The following ZDHHC2 variants were observed in gnomAD, a reference collection of about 807,000 sequenced individuals.
ZDHHC2 encodes the protein palmitoyltransferase ZDHHC2.
A neutral mutation model predicts 55.6 loss-of-function variants in ZDHHC2; 51 were observed. The ratio of observed to expected loss-of-function variants is 0.92; its 90% CI spans 0.73 to 1.16. The LOEUF (loss-of-function observed/expected upper bound fraction) is 1.16, where lower values mean the gene tolerates loss of function less well. Ranked by LOEUF, ZDHHC2 falls within the 50% of genes most tolerant of loss-of-function variation. The pLI is 0.00. For synonymous variants in ZDHHC2, 199 were observed against 152.9 expected (o/e 1.30, Z -2.22); for missense variants, 491 against 442.4 (o/e 1.11, Z -0.99).
At chr8:17,206,557 T>C (rs1807110819) in intron 7 of ZDHHC2, among the ~76,000 whole-genome samples, 1 of 152,180 alleles carries the variant, frequency 6.6e-6, no homozygotes, top group African/African-American at 2.4e-5. Flanking sequence ...GATTTAAAAA[T>C]AGAAGTATTT....
At chr8:17,207,645 A>G (rs1305113455) in intron 7 of ZDHHC2, among the ~76,000 whole-genome samples, 2 of 152,202 alleles carry the variant, frequency 1.3e-5, no homozygotes, top group African/African-American at 2.4e-5. Flanking sequence ...ACTACATTTT[A>G]TAGTTCCATT....
chr8:17,208,593 G>A (rs577994849), intron 8 of ZDHHC2, among the ~76,000 whole-genome samples: 1 of 152,146 alleles, frequency 6.6e-6, no homozygotes, highest in East Asian at 1.9e-4. Context: ...CAAGCTGTGA[G>A]CTTCAGTTAT....
In ZDHHC2 at chr8:17,156,911, CG is replaced by C. The variant is rs1457735525; in HGVS notation, c.130+61del. On this transcript the variant is annotated intron_variant, in intron 1 of 12. Coordinates refer to ENST00000262096, the MANE Select transcript of ZDHHC2 (RefSeq NM_016353.5). The stretch of plus-strand genomic sequence containing the variant: ...GCAGCGCAGCCCACCCCGACTGTCC[CG>C]GGACGCTCAGCCGCTCCTCCGCTCT... The C allele has an allele frequency of 5.6e-6, 8 of 1,426,730 alleles. No homozygotes were observed. The Admixed American group carries it at 1.1e-4, about 20-fold the overall frequency. 88.4% of individuals were successfully genotyped at this position (1,426,730 alleles called of 1,614,324 possible).
In ZDHHC2 at chr8:17,224,201, A is replaced by G. The variant is rs1408950237; in HGVS notation, c.*3980A>G. The G allele has an allele frequency of 6.6e-6, 1 of 151,766 alleles. No individual in the cohort carries two copies. The highest frequency in any genetic ancestry group is 3.2e-3 in the Middle Eastern group (1 of 316). The allele number at this position is 151,766 out of a possible 1,614,324, so 9.4% of individuals were successfully genotyped here. A position where few individuals can be genotyped will look rare whatever the true frequency, so the allele number is the denominator to read the frequency against. On this transcript the variant is annotated 3_prime_UTR_variant, in exon 13 of 13. Transcript: ENST00000262096. Reference sequence around the variant, plus strand: ...GCAATGCCAACAGAAGACACTTTTAATCATTTGCAGACCTTTCTTGTTGCA... The same window carrying G: ...GCAATGCCAACAGAAGACACTTTTAGTCATTTGCAGACCTTTCTTGTTGCA...
Position 17,156,790 on chromosome 8 carries a change from G to C in ZDHHC2, c.67G>C (p.Val23Leu). ...RCRRVLYWIP[V>L]VFITLLLGWS... ...CCGGCGGGTGCTGTACTGGATCCCG[G>C]TGGTGTTCATCACCCTCCTGCTCGG... Residue 23 changes from valine (V) to leucine (L), a missense_variant, in exon 1 of 13, where the codon GTG (valine) becomes CTG (leucine). Val to Leu is a conservative substitution (Grantham distance 32, BLOSUM62 1). Transcript: ENST00000262096. 1 of 1,521,926 alleles carries C rather than the reference G, an allele frequency of 6.6e-7. No homozygotes were observed. The highest frequency in any genetic ancestry group is 8.8e-7 in the Non-Finnish European group (1 of 1,133,532). The allele number at this position is 1,521,926 out of a possible 1,614,324, so 94.3% of individuals were successfully genotyped here. A position where few individuals can be genotyped will look rare whatever the true frequency, so the allele number is the denominator to read the frequency against.
intron 3 of ZDHHC2, among the ~76,000 whole-genome samples, chr8:17,188,026 G>A (rs758216228): frequency 1.3e-5 from 2 of 152,042 alleles, no homozygotes; most frequent in African/African-American, 4.8e-5. Flanking sequence ...TTCTTCTCCT[G>A]GTAATTTGGT....
chr8:17,180,596 G>T (rs1805385754), intron 1 of ZDHHC2, among the ~76,000 whole-genome samples: 1 of 152,070 alleles, frequency 6.6e-6, no homozygotes, highest in Non-Finnish European at 1.5e-5. Flanking sequence ...CATTCATGGG[G>T]CTTACTCTAC....
chr8:17,165,496 G>T (rs951808067), intron 1 of ZDHHC2, among the ~76,000 whole-genome samples: 1 of 152,190 alleles, frequency 6.6e-6, no homozygotes, highest in African/African-American at 2.4e-5. Context: ...GTCATTCAAA[G>T]GAGGGGGAAG....
intron 5 of ZDHHC2, 27 bp from the exon 6 acceptor site, chr8:17,198,354 G>C: frequency 6.3e-7 from 1 of 1,588,948 alleles, no homozygotes; most frequent in South Asian, 1.2e-5. Context: ...TGGGGTATTA[G>C]GTTTTGTGTT....
At chr8:17,199,723 T>C (rs190478792) in intron 6 of ZDHHC2, among the ~76,000 whole-genome samples, 180 of 150,868 alleles carry the variant, frequency 1.2e-3, no homozygotes, top group Non-Finnish European at 2.0e-3. Flanking sequence ...TTCTTCCTTC[T>C]TTCTTCTTTT....
rs189010419 is a variant in ZDHHC2 at position 17,172,059 on chromosome 8, C to T, written c.131-12730C>T. On this transcript the variant is annotated intron_variant, in intron 1 of 12. Transcript: ENST00000262096. ...TATCCGCAGTTCCCAGGAATTCGTC[C>T]GATTGATAAAGCCCAAAGCCCCGCG... Among the ~76,000 whole-genome samples, 4 of 152,030 alleles carry T rather than the reference C, an allele frequency of 2.6e-5. No homozygotes were observed. In the East Asian group the frequency reaches 7.8e-4, roughly 30 times the overall value.
At chr8:17,158,851 C>T (rs571969420) in intron 1 of ZDHHC2, among the ~76,000 whole-genome samples, 2 of 152,280 alleles carry the variant, frequency 1.3e-5, no homozygotes, top group South Asian at 4.1e-4. Context: ...GCAATGCCTG[C>T]CACATTGAAA....
At chr8:17,216,975 A>G (rs1807680902) in intron 11 of ZDHHC2, among the ~76,000 whole-genome samples, 197 bp from the exon 12 acceptor site, 1 of 151,952 alleles carries the variant, frequency 6.6e-6, no homozygotes, top group Non-Finnish European at 1.5e-5. Context: ...TGTGTGTGGG[A>G]GAGAGATAGT....
intron 1 of ZDHHC2, among the ~76,000 whole-genome samples, chr8:17,172,569 A>G (rs1463243945): frequency 6.6e-6 from 1 of 151,520 alleles, no homozygotes. Context: ...TATTTCAGAG[A>G]GTAGATCTCA....
chr8:17,174,096 CT>C (rs759114642), intron 1 of ZDHHC2, among the ~76,000 whole-genome samples: 239 of 141,708 alleles, frequency 1.7e-3, no homozygotes, highest in Admixed American at 1.6e-3. Flanking sequence ...TCTTCTTCTT[CT>C]TTTTTTTTTT....
intron 3 of ZDHHC2, 147 bp from the exon 4 acceptor site, chr8:17,195,357 T>A: frequency 2.3e-6 from 2 of 873,494 alleles, no homozygotes; most frequent in Non-Finnish European, 3.4e-6. Flanking sequence ...GTGAACAGAC[T>A]TGCCCACGTT....
intron 1 of ZDHHC2, among the ~76,000 whole-genome samples, chr8:17,166,599 A>C (rs1229578866): frequency 6.6e-6 from 1 of 152,176 alleles, no homozygotes; most frequent in Non-Finnish European, 1.5e-5. Flanking sequence ...ACCACATGTG[A>C]GAATGTAAAT....
chr8:17,218,264 T>G (rs1807741246), intron 12 of ZDHHC2, among the ~76,000 whole-genome samples: 1 of 152,184 alleles, frequency 6.6e-6, no homozygotes, highest in African/African-American at 2.4e-5. Context: ...ATTAAATTTC[T>G]GAAAATAATT....
rs999739627 is a variant in ZDHHC2 at position 17,217,262 on chromosome 8, C to A, written c.*34+16C>A. On this transcript the variant is annotated intron_variant, in intron 12 of 12. Transcript: ENST00000262096. ...CTTTATAAAAGTACGATAATTTTCC[C>A]TTTATTGTTTTATATTTTTAACAGT... 6.5e-7 allele frequency: 1 copy of A among 1,543,134 alleles called. No individual in the cohort carries two copies. Among genetic ancestry groups the A allele is most frequent in the Non-Finnish European group, 8.8e-7 (1 of 1,135,098 alleles).
Sources: gnomAD v4.1 joint callset for allele counts (sites outside exome capture counted in the v4.1 genomes callset) on GRCh38, gnomAD v4.1.1 for gene constraint, MANE v1.5 for transcripts, NCBI Gene and HGNC (gene_info 2026-07-23, HGNC 2026-07-21) for gene names.